Variants in CD2AP observed in about 807,000 individuals in gnomAD.
CD2AP encodes the protein CD2 associated protein.
In CD2AP, 46 loss-of-function variants were observed where a neutral mutation model predicts 85.1. That is an observed-to-expected ratio of 0.54 (90% CI 0.43 to 0.69). CD2AP has a LOEUF of 0.69. CD2AP is among the 30% of genes least tolerant of loss of function. CD2AP has a pLI of 0.00. For synonymous variants in CD2AP, 255 were observed against 252.9 expected (o/e 1.01, Z -0.08); for missense variants, 769 against 729.5 (o/e 1.05, Z -0.62).
In CD2AP at chr6:47,566,323, T is replaced by TATATATATATATACACACAC; in HGVS notation, c.542-7740_542-7739insTATATATATATACACACACA. 1.2e-3 allele frequency among the ~76,000 whole-genome samples: 128 copies of TATATATATATATACACACAC among 108,422 alleles called. 4 individuals carry two copies. The highest frequency in any genetic ancestry group is 2.0e-3 in the Non-Finnish European group (92 of 46,782). 71.1% of individuals were successfully genotyped at this position (108,422 alleles called of 152,430 possible). A position where few individuals can be genotyped will look rare whatever the true frequency, so the allele number is the denominator to read the frequency against. On this transcript the variant is annotated intron_variant, in intron 5 of 17. Transcript: ENST00000359314. ...TAGAATATATATATATATATATATA[T>TATATATATATATACACACAC]ACACATACACATATATATATATGTA...
chr6:47,550,081 A>G (rs563267154), intron 4 of CD2AP, among the ~76,000 whole-genome samples: 74 of 152,344 alleles, frequency 4.9e-4, no homozygotes, highest in African/African-American at 1.7e-3. Context: ...AAGGACTTAA[A>G]TCTAAGACCT....
chr6:47,594,709 T>A (rs1227694628), intron 11 of CD2AP, among the ~76,000 whole-genome samples: 1 of 152,022 alleles, frequency 6.6e-6, no homozygotes, highest in East Asian at 1.9e-4. Flanking sequence ...CTTGAGGCCA[T>A]ATAAAAATAG....
intron 1 of CD2AP, among the ~76,000 whole-genome samples, chr6:47,484,402 T>C (rs369804660): frequency 6.6e-6 from 1 of 151,884 alleles, no homozygotes; most frequent in Admixed American, 6.6e-5. Flanking sequence ...GGTCTCAGCT[T>C]CCTAGATGTT....
intron 11 of CD2AP, among the ~76,000 whole-genome samples, chr6:47,594,202 T>G (rs1768875066): frequency 6.6e-6 from 1 of 152,074 alleles, no homozygotes; most frequent in Admixed American, 6.6e-5. Context: ...AGGTGGTGGT[T>G]GCGTAACATC....
chr6:47,506,668 G>A (rs1236684775), intron 2 of CD2AP, among the ~76,000 whole-genome samples: 4 of 135,908 alleles, frequency 2.9e-5, no homozygotes, highest in Non-Finnish European at 4.9e-5. Flanking sequence ...GCGCGTGCCT[G>A]CAATCGCAGG....
intron 8 of CD2AP, 37 bp from the exon 9 acceptor site, chr6:47,579,348 A>AAG (rs57280259): frequency 1.6e-5 from 19 of 1,167,068 alleles, no homozygotes; most frequent in Admixed American, 6.9e-5. Flanking sequence ...AAAAAAAAAA[A>AAG]GGTCTATTGT....
rs370673360 is a variant in CD2AP, at chr6:47,503,418, T to C, written c.143T>C (p.Met48Thr). The C allele has an allele frequency of 5.0e-6, 8 of 1,613,762 alleles. No homozygotes were observed. The African/African-American group carries it at 9.3e-5, about 19-fold the overall frequency. Residue 48 changes from methionine (M) to threonine (T), a missense_variant, in exon 2 of 18, where the codon ATG (methionine) becomes ACG (threonine). Transcript: ENST00000359314. ...GGAGAACTAAATGGGAGAAGAGGAA[T>C]GTTCCCTGACAATTTCGTTAAGGTA... ...LEGELNGRRG[M>T]FPDNFVKEIK...
chr6:47,574,354 A>C, intron 6 of CD2AP, 103 bp downstream of exon 6: 2 of 1,084,574 alleles, frequency 1.8e-6, no homozygotes, highest in Admixed American at 3.8e-5. Context: ...TCTTTTTTTC[A>C]GATCACTAAT....
chr6:47,599,191 C>A, intron 12 of CD2AP, 110 bp from the exon 13 acceptor site: 1 of 868,500 alleles, frequency 1.2e-6, no homozygotes, highest in South Asian at 1.5e-5. Context: ...TTTTACAGAA[C>A]AGAAAGTAAT....
intron 5 of CD2AP, among the ~76,000 whole-genome samples, chr6:47,561,562 T>G (rs1437347313): frequency 6.6e-6 from 1 of 152,170 alleles, no homozygotes; most frequent in Non-Finnish European, 1.5e-5. Flanking sequence ...CTTCTGAGCC[T>G]GCTTAGTGGA....
At chr6:47,618,747 A>G (rs1473697944) in intron 17 of CD2AP, among the ~76,000 whole-genome samples, 1 of 152,232 alleles carries the variant, frequency 6.6e-6, no homozygotes, top group Non-Finnish European at 1.5e-5. Context: ...AAAAATTATG[A>G]CAAGAGTCAA....
rs567081448 is a variant in CD2AP at position 47,600,063 on chromosome 6, C to T, written c.1417+620C>T. ...AGTTTTCATTATTAAAGGCATTGTG[C>T]CTTCATTACTTTCTGGTAATTGTTA... On this transcript the variant is annotated intron_variant, in intron 13 of 17. Coordinates refer to ENST00000359314, the MANE Select transcript of CD2AP (RefSeq NM_012120.3). Among the ~76,000 whole-genome samples the T allele has an allele frequency of 3.8e-4, 58 of 151,588 alleles. No individual in the cohort carries two copies. The South Asian group carries it at 0.011, about 30-fold the overall frequency.
intron 16 of CD2AP, among the ~76,000 whole-genome samples, chr6:47,610,951 A>T (rs9473136): frequency 0.016 from 881 of 54,396 alleles, 26 homozygotes; most frequent in African/African-American, 0.061. Context: ...TTTCTGATTT[A>T]TATATATATA....
chr6:47,537,916 A>T (rs544171712), intron 3 of CD2AP, among the ~76,000 whole-genome samples: 1 of 151,240 alleles, frequency 6.6e-6, no homozygotes, highest in African/African-American at 2.4e-5. Flanking sequence ...CACCTGGCTA[A>T]TTTTTTCTAT....
intron 2 of CD2AP, among the ~76,000 whole-genome samples, chr6:47,514,944 C>T (rs561479456): frequency 6.6e-5 from 10 of 151,764 alleles, no homozygotes; most frequent in African/African-American, 1.2e-4. Context: ...CCCAGCTACT[C>T]GGGAGGCTGA....
intron 2 of CD2AP, among the ~76,000 whole-genome samples, chr6:47,509,185 A>G (rs1191529040): frequency 1.3e-5 from 2 of 152,184 alleles, no homozygotes; most frequent in African/African-American, 4.8e-5. Flanking sequence ...AGTTGGTGGA[A>G]CAGTTAGAAG....
chr6:47,574,332 C>A (rs1480223828), intron 6 of CD2AP, 81 bp downstream of exon 6: 1 of 1,316,256 alleles, frequency 7.6e-7, no homozygotes, highest in Non-Finnish European at 1.1e-6. Flanking sequence ...CAGTTTGTAA[C>A]TCTGTTAGAT....
intron 17 of CD2AP, among the ~76,000 whole-genome samples, chr6:47,618,288 C>T (rs1166187014): frequency 6.6e-6 from 1 of 152,114 alleles, no homozygotes; most frequent in Non-Finnish European, 1.5e-5. Context: ...CCACTGCACT[C>T]CAGCCTGGGT....
chr6:47,532,896 T>C (rs1162580707), intron 2 of CD2AP, among the ~76,000 whole-genome samples: 1 of 152,222 alleles, frequency 6.6e-6, no homozygotes, highest in Non-Finnish European at 1.5e-5. Context: ...TTTGTTTTTG[T>C]CTTCATGTCT....
Sources: allele counts gnomAD v4.1 joint callset (sites outside exome capture counted in the v4.1 genomes callset), GRCh38; gene constraint gnomAD v4.1.1; transcripts MANE v1.5; gene names NCBI Gene and HGNC (gene_info 2026-07-23, HGNC 2026-07-21).